The following SLC1A3 variants were observed in gnomAD, a reference collection of about 807,000 sequenced individuals.
SLC1A3 encodes the protein excitatory amino acid transporter 1.
In SLC1A3, 21 loss-of-function variants were observed where a neutral mutation model predicts 48.1. The ratio of observed to expected loss-of-function variants is 0.44; its 90% CI spans 0.31 to 0.63. The LOEUF (loss-of-function observed/expected upper bound fraction) is 0.63, where lower values mean the gene tolerates loss of function less well. Among genes scored for constraint, SLC1A3 ranks in the 20% least tolerant of loss-of-function variants. The probability of loss-of-function intolerance (pLI) is 0.08; values close to 1 mark genes in which losing one functional copy is unlikely to be tolerated. For missense variants in SLC1A3, 546 were observed against 689.0 expected, an observed-to-expected ratio of 0.79 and a Z score of 2.32; for synonymous variants, 239 against 251.4, an observed-to-expected ratio of 0.95 and a Z score of 0.47.
chr5:36,644,710 A>G (rs1030253312), intron 3 of SLC1A3, among the ~76,000 whole-genome samples: 2 of 152,250 alleles, frequency 1.3e-5, no homozygotes, highest in African/African-American at 2.4e-5. Context: ...AATCACTTTT[A>G]CACTGCTTTG....
At chr5:36,665,925 C>T (rs1027736481) in intron 3 of SLC1A3, among the ~76,000 whole-genome samples, 3 of 152,182 alleles carry the variant, frequency 2.0e-5, no homozygotes, top group African/African-American at 4.8e-5. Flanking sequence ...GATTTGTCTT[C>T]GGTTCCAGAA....
intron 3 of SLC1A3, among the ~76,000 whole-genome samples, chr5:36,636,755 G>C (rs759948594): frequency 4.8e-4 from 73 of 152,070 alleles, no homozygotes; most frequent in Non-Finnish European, 8.2e-4. Flanking sequence ...GAGAAAAGGT[G>C]CTTGACAGGC....
At chr5:36,607,847 A>G (rs1022636664) in intron 1 of SLC1A3, among the ~76,000 whole-genome samples, 1 of 152,152 alleles carries the variant, frequency 6.6e-6, no homozygotes, top group African/African-American at 2.4e-5. Context: ...ACTTTACTGC[A>G]TGTAACAGAG....
chr5:36,628,150 G>A (rs1026392105), intron 2 of SLC1A3, among the ~76,000 whole-genome samples: 8 of 152,136 alleles, frequency 5.3e-5, no homozygotes, highest in African/African-American at 1.9e-4. Flanking sequence ...ATATTTACCT[G>A]AAGGCCCTGA....
intron 3 of SLC1A3, among the ~76,000 whole-genome samples, chr5:36,646,916 T>G (rs1740863258): frequency 6.6e-6 from 1 of 151,680 alleles, no homozygotes; most frequent in South Asian, 2.1e-4. Context: ...GTACAAAGAG[T>G]GATGTGAGGG....
upstream of SLC1A3, among the ~76,000 whole-genome samples, chr5:36,605,715 A>T (rs554250197): frequency 2.1e-3 from 326 of 151,956 alleles, 2 homozygotes; most frequent in Middle Eastern, 3.4e-3. Context: ...CCTCAAAAAA[A>T]TTTTTTTTTA....
upstream of SLC1A3, among the ~76,000 whole-genome samples, chr5:36,602,334 TAATAGAGTAG>T (rs779441642): frequency 6.8e-4 from 103 of 152,306 alleles, no homozygotes; most frequent in Non-Finnish European, 1.1e-3. Context: ...GGACCAGTAA[TAATAGAGTAG>T]AATAGACCTC....
At position 36,680,470 on chromosome 5, in the gene SLC1A3, G is replaced by T; in HGVS notation, c.1170G>T (p.Val390=). 6.2e-7 allele frequency: 1 copy of T among 1,614,190 alleles called. No individual in the cohort carries two copies. Among genetic ancestry groups the T allele is most frequent in the Non-Finnish European group, 8.5e-7 (1 of 1,180,024 alleles). The change falls in exon 8 of 10, where the codon GTG becomes GTT. Residue 390 remains valine, a synonymous_variant. Coordinates refer to ENST00000265113, the MANE Select transcript of SLC1A3 (RefSeq NM_004172.5). ...NGVDKRVTRF[V]LPVGATINMD... The stretch of plus-strand genomic sequence containing the variant: ...TGGACAAGCGCGTCACCAGATTCGT[G>T]CTCCCCGTAGGAGCCACCATTAACA...
intron 3 of SLC1A3, among the ~76,000 whole-genome samples, chr5:36,645,620 C>T (rs1285335342): frequency 1.3e-5 from 2 of 152,028 alleles, no homozygotes; most frequent in Non-Finnish European, 2.9e-5. Context: ...CCACCGCGCC[C>T]GGCCCTCCAT....
chr5:36,612,508 A>T (rs1739245974), intron 2 of SLC1A3, among the ~76,000 whole-genome samples: 1 of 151,918 alleles, frequency 6.6e-6, no homozygotes, highest in African/African-American at 2.4e-5. Flanking sequence ...AGGATCACTT[A>T]AGCCCAGGAG....
At chr5:36,655,283 C>G (rs1306297542) in intron 3 of SLC1A3, among the ~76,000 whole-genome samples, 1 of 152,198 alleles carries the variant, frequency 6.6e-6, no homozygotes, top group African/African-American at 2.4e-5. Flanking sequence ...TCTCTTTGCA[C>G]TTGCATCTAG....
At chr5:36,671,425 G>A (rs1741991700) in intron 4 of SLC1A3, among the ~76,000 whole-genome samples, 192 bp downstream of exon 4, 1 of 152,192 alleles carries the variant, frequency 6.6e-6, no homozygotes, top group South Asian at 2.1e-4. Context: ...GTATGAGAGA[G>A]GCGAAAAGAG....
chr5:36,640,939 G>T (rs1740593784), intron 3 of SLC1A3, among the ~76,000 whole-genome samples: 1 of 151,748 alleles, frequency 6.6e-6, no homozygotes. Flanking sequence ...ACTATTTTAA[G>T]ATTATATTAA....
intron 3 of SLC1A3, among the ~76,000 whole-genome samples, chr5:36,651,588 T>C (rs1741079090): frequency 8.1e-6 from 1 of 124,026 alleles, no homozygotes; most frequent in Non-Finnish European, 1.6e-5. Context: ...CTGCCTGGAC[T>C]CTTTTCCCCA....
intron 3 of SLC1A3, chr5:36,666,251 T>C (rs1212820383): frequency 6.6e-6 from 1 of 152,212 alleles, no homozygotes; most frequent in East Asian, 1.9e-4. Flanking sequence ...AAAAAACTTA[T>C]ATTCACATGA....
At position 36,678,998 on chromosome 5, in the gene SLC1A3, T is replaced by C. The variant is rs148861790; in HGVS notation, c.861-629T>C. Among the ~76,000 whole-genome samples, 1,367 of 152,282 alleles carry C rather than the reference T, an allele frequency of 9.0e-3. 21 individuals carry two copies. In the Middle Eastern group the frequency reaches 0.11, roughly 13 times the overall value. On this transcript the variant is annotated intron_variant, in intron 6 of 9. Transcript: ENST00000265113. ...AGTAAATTTACTTAAGTAAAAAAGG[T>C]GATCTGAAGAATAATACTAAGTAAT...
intron 2 of SLC1A3, among the ~76,000 whole-genome samples, chr5:36,617,593 T>G (rs1739495352): frequency 6.6e-6 from 1 of 152,054 alleles, no homozygotes; most frequent in South Asian, 2.1e-4. Flanking sequence ...GGAGAAATGT[T>G]ATGACTATAA....
rs576929584 is a variant in SLC1A3, at chr5:36,659,834, G to T, written c.320-11195G>T. ...CTTAATAAATGTTGAAAGAGTGCAC[G>T]AATAAGTGAAAAATTTTAATTGTAG... On this transcript the variant is annotated intron_variant, in intron 3 of 9. Transcript: ENST00000265113. 7.9e-5 allele frequency among the ~76,000 whole-genome samples: 12 copies of T among 152,278 alleles called. No individual in the cohort carries two copies. The South Asian group carries it at 2.3e-3, about 29-fold the overall frequency.
chr5:36,680,658 C>G (rs970978604), intron 8 of SLC1A3, 69 bp downstream of exon 8: 1 of 1,363,538 alleles, frequency 7.3e-7, no homozygotes, highest in Non-Finnish European at 1.0e-6. Context: ...TGGCTCACGC[C>G]TGTAATCCTA....
Sources: gnomAD v4.1 joint callset for allele counts (sites outside exome capture counted in the v4.1 genomes callset) on GRCh38, gnomAD v4.1.1 for gene constraint, MANE v1.5 for transcripts, NCBI Gene and HGNC (gene_info 2026-07-23, HGNC 2026-07-21) for gene names.